The following MMP26 variants were observed in gnomAD, a reference collection of about 807,000 sequenced individuals.
The protein encoded by MMP26 is matrix metallopeptidase 26, also known as matrix metalloproteinase-26.
MMP26 carries 33 observed loss-of-function variants against 31.0 expected under a neutral mutation model. The observed-to-expected ratio is 1.06, with a 90% CI of 0.81 to 1.42. The LOEUF (loss-of-function observed/expected upper bound fraction) is 1.42, where lower values mean the gene tolerates loss of function less well. MMP26 is among the 40% of genes most tolerant of loss of function. The probability of loss-of-function intolerance (pLI) is 0.00; values close to 1 mark genes in which losing one functional copy is unlikely to be tolerated. For synonymous variants in MMP26, 122 were observed against 114.9 expected (o/e 1.06, Z -0.40); for missense variants, 347 against 316.1 (o/e 1.10, Z -0.74).
At chr11:4,860,860 A>G (rs1850143995) in intron 2 of MMP26, among the ~76,000 whole-genome samples, 1 of 151,860 alleles carries the variant, frequency 6.6e-6, no homozygotes, top group South Asian at 2.1e-4. Flanking sequence ...ATCTCCTTTG[A>G]TATCTCCTCA....
At chr11:4,720,944 A>G (rs1050681054) in intron 1 of MMP26, among the ~76,000 whole-genome samples, 5 of 152,170 alleles carry the variant, frequency 3.3e-5, no homozygotes, top group African/African-American at 9.7e-5. Flanking sequence ...GTGGGAAAAA[A>G]TAAAACTAGA....
intron 2 of MMP26, among the ~76,000 whole-genome samples, chr11:4,928,655 A>AT (rs549001762): frequency 5.3e-5 from 8 of 151,740 alleles, no homozygotes; most frequent in Non-Finnish European, 1.0e-4. Flanking sequence ...TTTAATTTTT[A>AT]TTTTTTTTCA....
chr11:4,861,746 C>A (rs1299590842), intron 2 of MMP26, among the ~76,000 whole-genome samples: 1 of 152,126 alleles, frequency 6.6e-6, no homozygotes, highest in Non-Finnish European at 1.5e-5. Flanking sequence ...GGCTCCCTAA[C>A]TGATCTTTCT....
chr11:4,885,553 T>TAGGTATGTAGTAGGCTATAC (rs1850535679), intron 2 of MMP26, among the ~76,000 whole-genome samples: 1 of 152,140 alleles, frequency 6.6e-6, no homozygotes, highest in Non-Finnish European at 1.5e-5. Context: ...ATAGGCTATA[T>TAGGTATGTAGTAGGCTATAC]CATAGGTATG....
intron 2 of MMP26, among the ~76,000 whole-genome samples, chr11:4,854,493 A>C (rs2133503278): frequency 6.6e-6 from 1 of 152,294 alleles, no homozygotes; most frequent in Non-Finnish European, 1.5e-5. Context: ...ACCAGACTGC[A>C]AGGCAGCAGC....
At chr11:4,906,682 C>T (rs1330074269) in intron 2 of MMP26, among the ~76,000 whole-genome samples, 1 of 152,102 alleles carries the variant, frequency 6.6e-6, no homozygotes, top group Non-Finnish European at 1.5e-5. Flanking sequence ...ATTTTAAAGC[C>T]AACGTGGGTA....
intron 2 of MMP26, among the ~76,000 whole-genome samples, chr11:4,921,882 G>C (rs1851189979): frequency 6.6e-6 from 1 of 152,136 alleles, no homozygotes; most frequent in Non-Finnish European, 1.5e-5. Flanking sequence ...AAGGGTACAA[G>C]TGCAGTGTTG....
chr11:4,948,696 ACC>A (rs1470028976), intron 2 of MMP26, among the ~76,000 whole-genome samples: 2 of 123,250 alleles, frequency 1.6e-5, no homozygotes, highest in Non-Finnish European at 3.7e-5. Context: ...CTATATACTC[ACC>A]TCTATTAGTA....
chr11:4,913,467 T>C lies in MMP26; in HGVS notation c.-144-74601T>C, dbSNP rs150142325. 1.6e-4 allele frequency: 24 copies of C among 152,318 alleles called. 1 individual carries two copies. The highest frequency in any genetic ancestry group is 5.5e-4 in the African/African-American group (23 of 41,574). 9.4% of individuals were successfully genotyped at this position (152,318 alleles called of 1,614,324 possible). ...CGAAGCTCCCCTTGGCAATATCACA[T>C]TCAAGCTTGCTTTCCTCACAGTTAC... On this transcript the variant is annotated intron_variant, in intron 2 of 7. Coordinates refer to ENST00000380390, the MANE Select transcript of MMP26 (RefSeq NM_021801.5).
chr11:4,966,738 A>C (rs965738559), intron 2 of MMP26, among the ~76,000 whole-genome samples: 6 of 152,118 alleles, frequency 3.9e-5, no homozygotes, highest in African/African-American at 1.4e-4. Flanking sequence ...ATGTTAGTCC[A>C]TTTTGTTCAT....
At chr11:4,708,052 C>T (rs1847805083) in intron 1 of MMP26, among the ~76,000 whole-genome samples, 1 of 152,192 alleles carries the variant, frequency 6.6e-6, no homozygotes, top group Non-Finnish European at 1.5e-5. Context: ...CCTGTGACTT[C>T]AACCATAGAC....
At position 4,948,130 on chromosome 11, in the gene MMP26, C is replaced by A. The variant is rs774582170; in HGVS notation, c.-144-39938C>A. Among the ~76,000 whole-genome samples the A allele has an allele frequency of 3.2e-5, 4 of 124,894 alleles. 1 individual carries two copies. Among genetic ancestry groups the A allele is most frequent in the Middle Eastern group, 8.3e-3 (2 of 240 alleles). 81.9% of individuals were successfully genotyped at this position (124,894 alleles called of 152,430 possible). A position where few individuals can be genotyped will look rare whatever the true frequency, so the allele number is the denominator to read the frequency against. The stretch of plus-strand genomic sequence containing the variant: ...ACTTGTCCAACTTATACAAGTTTTT[C>A]TCCCTTACCAAATCTTCCCTGTTTA... On this transcript the variant is annotated intron_variant, in intron 2 of 7. Coordinates refer to ENST00000380390, the MANE Select transcript of MMP26 (RefSeq NM_021801.5).
intron 2 of MMP26, among the ~76,000 whole-genome samples, chr11:4,921,188 T>C (rs183561050): frequency 8.5e-5 from 13 of 152,318 alleles, no homozygotes; most frequent in Admixed American, 7.2e-4. Flanking sequence ...CCTATCTTAT[T>C]TGAACTCTGT....
At chr11:4,873,809 A>G (rs1850342152) in intron 2 of MMP26, among the ~76,000 whole-genome samples, 1 of 152,060 alleles carries the variant, frequency 6.6e-6, no homozygotes, top group Non-Finnish European at 1.5e-5. Context: ...TATTATTTTT[A>G]TTTTAAAGAA....
rs766896624 is a variant in MMP26, at chr11:4,915,343, A to T, written c.-144-72725A>T. The T allele has an allele frequency of 1.9e-6, 3 of 1,614,020 alleles. No homozygotes were observed. The East Asian group carries it at 6.7e-5, about 36-fold the overall frequency. On this transcript the variant is annotated intron_variant, in intron 2 of 7. Transcript: ENST00000380390. ...CGAGGAAGGAGAAGCAGTGAATGAA[A>T]AAGAGCTGAGCAAAGCAGGCATCAT...
chr11:4,785,217 G>C (rs1848920873), intron 2 of MMP26, among the ~76,000 whole-genome samples: 1 of 152,124 alleles, frequency 6.6e-6, no homozygotes, highest in African/African-American at 2.4e-5. Flanking sequence ...TTCTGGGAAA[G>C]AGCAGACAGT....
chr11:4,729,629 G>T (rs1406974024), intron 1 of MMP26, among the ~76,000 whole-genome samples: 1 of 152,066 alleles, frequency 6.6e-6, no homozygotes, highest in East Asian at 1.9e-4. Flanking sequence ...GAAATAAACG[G>T]ATTTGAGGGC....
chr11:4,879,388 A>C (rs1451642833), intron 2 of MMP26, among the ~76,000 whole-genome samples: 2 of 152,168 alleles, frequency 1.3e-5, no homozygotes, highest in African/African-American at 4.8e-5. Context: ...CGACAGATTA[A>C]GGACAATGAA....
rs946258662 is a variant in MMP26, at chr11:4,819,561, G to A, written c.-145+52220G>A. Among the ~76,000 whole-genome samples the A allele has an allele frequency of 4.1e-5, 5 of 121,150 alleles. No individual in the cohort carries two copies. The Admixed American group carries it at 4.5e-4, about 11-fold the overall frequency. The allele number at this position is 121,150 out of a possible 152,430, so 79.5% of individuals were successfully genotyped here. Reference sequence around the variant, plus strand: ...AATGAGATGGTCACTGAAATGAGTCGACTGATTTTTTTTTTTTTTTTTTTT... The same window carrying A: ...AATGAGATGGTCACTGAAATGAGTCAACTGATTTTTTTTTTTTTTTTTTTT... On this transcript the variant is annotated intron_variant, in intron 2 of 7. Transcript: ENST00000380390.
Sources: gnomAD v4.1 joint callset for allele counts (sites outside exome capture counted in the v4.1 genomes callset) on GRCh38, gnomAD v4.1.1 for gene constraint, MANE v1.5 for transcripts, NCBI Gene and HGNC (gene_info 2026-07-23, HGNC 2026-07-21) for gene names.